The following CELF4 variants were observed in gnomAD, a reference collection of about 807,000 sequenced individuals.
The protein encoded by CELF4 is CUGBP Elav-like family member 4.
Under a neutral mutation model 59.9 loss-of-function variants are expected in CELF4, and 18 were observed. That is an observed-to-expected ratio of 0.30 (90% confidence interval 0.21 to 0.45). The LOEUF is 0.45. Among genes scored for constraint, CELF4 ranks in the 20% least tolerant of loss-of-function variants. The pLI is 1.00. For missense variants in CELF4, 456 were observed against 689.0 expected, an observed-to-expected ratio of 0.66 and a Z score of 3.79; for synonymous variants, 261 against 267.1, an observed-to-expected ratio of 0.98 and a Z score of 0.22.
intron 1 of CELF4, among the ~76,000 whole-genome samples, chr18:37,563,852 G>A (rs16969078): frequency 0.016 from 2,446 of 152,268 alleles, 75 homozygotes; most frequent in African/African-American, 0.057. Context: ...AATAAAAACT[G>A]CTCTCTGGGA....
intron 2 of CELF4, among the ~76,000 whole-genome samples, chr18:37,427,043 G>C (rs998042828): frequency 1.9e-4 from 29 of 151,826 alleles, no homozygotes; most frequent in South Asian, 6.2e-4. Context: ...GACACGGGGG[G>C]GGGGGAAGCT....
intron 10 of CELF4, among the ~76,000 whole-genome samples, chr18:37,261,923 G>T (rs1191819935): frequency 1.3e-5 from 2 of 152,190 alleles, no homozygotes; most frequent in Non-Finnish European, 2.9e-5. Context: ...ACATAAAGAA[G>T]CCAACTCTTG....
intron 2 of CELF4, among the ~76,000 whole-genome samples, chr18:37,373,767 C>T (rs2098931768): frequency 6.6e-6 from 1 of 152,138 alleles, no homozygotes; most frequent in African/African-American, 2.4e-5. Flanking sequence ...CCAGGCAGGG[C>T]ATCATGCCAG....
Position 37,485,580 on chromosome 18 carries a change from C to A in CELF4, c.314G>T (p.Arg105Leu). The A allele has an allele frequency of 6.8e-7, 1 of 1,460,304 alleles. No homozygotes were observed. The highest frequency in any genetic ancestry group is 9.1e-7 in the Non-Finnish European group (1 of 1,093,452). 90.5% of individuals were successfully genotyped at this position (1,460,304 alleles called of 1,614,324 possible). A position where few individuals can be genotyped will look rare whatever the true frequency, so the allele number is the denominator to read the frequency against. Residue 105 changes from arginine to leucine, a missense_variant, in exon 2 of 13, where the codon CGT becomes CTT. Arg to Leu is a moderately radical substitution (Grantham distance 102). Coordinates refer to ENST00000420428, the MANE Select transcript of CELF4 (RefSeq NM_020180.4). ...GCTCTGGGCCTTCAGCGCTGACTCA[C>A]GCTCGCAGTAGGTGAGGAAGGCGCA... The part of the protein sequence containing the change: ...KGCAFLTYCE[R>L]ESALKAQSAL...
At chr18:37,336,999 C>T (rs1447059677) in intron 2 of CELF4, among the ~76,000 whole-genome samples, 4 of 152,196 alleles carry the variant, frequency 2.6e-5, no homozygotes, top group African/African-American at 2.4e-5. Flanking sequence ...GGGCCCTGGC[C>T]GCCTCCGGCT....
At chr18:37,564,897 C>T (rs1468118581) in intron 1 of CELF4, among the ~76,000 whole-genome samples, 1 of 152,016 alleles carries the variant, frequency 6.6e-6, no homozygotes, top group African/African-American at 2.4e-5. Flanking sequence ...CTACTCTAGC[C>T]CGGAGCAAAG....
chr18:37,289,175 A>G (rs2095109156), intron 3 of CELF4, among the ~76,000 whole-genome samples: 1 of 151,346 alleles, frequency 6.6e-6, no homozygotes, highest in Non-Finnish European at 1.5e-5. Context: ...TGGGGTGAGA[A>G]GGGATGGGGG....
In CELF4 at chr18:37,550,086, G is replaced by GGA. The variant is rs796196821; in HGVS notation, c.286+15269_286+15270insTC. 1.9e-4 allele frequency among the ~76,000 whole-genome samples: 24 copies of GGA among 127,594 alleles called. 1 individual carries two copies. Among genetic ancestry groups the GGA allele is most frequent in the African/African-American group, 6.3e-4 (22 of 34,904 alleles). The allele number at this position is 127,594 out of a possible 152,430, so 83.7% of individuals were successfully genotyped here. A position where few individuals can be genotyped will look rare whatever the true frequency, so the allele number is the denominator to read the frequency against. On this transcript the variant is annotated intron_variant, in intron 1 of 12. Coordinates refer to ENST00000420428, the MANE Select transcript of CELF4 (RefSeq NM_020180.4). ...ACTGGCAATGTGGTCCAATGGGTGG[G>GGA]GGGGGGGGATCCGTGGGAAGAAAGA...
At chr18:37,462,240 C>A (rs771798712) in intron 2 of CELF4, among the ~76,000 whole-genome samples, 2 of 152,148 alleles carry the variant, frequency 1.3e-5, no homozygotes, top group Admixed American at 6.5e-5. Context: ...CTGGAGGTCT[C>A]GAGCAGGGAA....
intron 3 of CELF4, among the ~76,000 whole-genome samples, chr18:37,279,244 G>A (rs2093803578): frequency 1.3e-5 from 2 of 152,216 alleles, no homozygotes; most frequent in Admixed American, 1.3e-4. Context: ...GTGCTGCTGG[G>A]CTGGGCCAAG....
chr18:37,502,069 C>T (rs2099932491), intron 1 of CELF4, among the ~76,000 whole-genome samples: 1 of 152,180 alleles, frequency 6.6e-6, no homozygotes, highest in Admixed American at 6.5e-5. Flanking sequence ...ACCAGGCCCC[C>T]CGTGAACCTC....
rs11334635 is a variant in CELF4 at position 37,318,630 on chromosome 18, T to TC, written c.448+3172dup. On this transcript the variant is annotated intron_variant, in intron 3 of 12. Transcript: ENST00000420428. ...GTTTAGGTTTGGCTTTCCCTACACC[T>TC]CCCCCCCCCCCCACTTTCTACTGCA... 4.2e-3 allele frequency among the ~76,000 whole-genome samples: 541 copies of TC among 129,300 alleles called. 4 individuals carry two copies. The highest frequency in any genetic ancestry group is 0.012 in the African/African-American group (420 of 35,136). The allele number at this position is 129,300 out of a possible 152,430, so 84.8% of individuals were successfully genotyped here.
intron 3 of CELF4, among the ~76,000 whole-genome samples, chr18:37,287,137 C>A (rs539586682): frequency 2.0e-5 from 3 of 152,012 alleles, no homozygotes; most frequent in African/African-American, 2.4e-5. Flanking sequence ...CCCCGAGATA[C>A]GGATTTGAGG....
chr18:37,501,257 C>G, intron 1 of CELF4, among the ~76,000 whole-genome samples: 1 of 152,250 alleles, frequency 6.6e-6, no homozygotes, highest in East Asian at 1.9e-4. Flanking sequence ...GCCACCTTAT[C>G]TATAAAATCT....
At chr18:37,267,919 C>T (rs2078479510) in intron 8 of CELF4, among the ~76,000 whole-genome samples, 1 of 152,182 alleles carries the variant, frequency 6.6e-6, no homozygotes, top group Non-Finnish European at 1.5e-5. Flanking sequence ...CACCTGTAAT[C>T]CCAGCTACTC....
intron 1 of CELF4, among the ~76,000 whole-genome samples, chr18:37,497,378 G>A (rs910852358): frequency 1.3e-5 from 2 of 152,232 alleles, no homozygotes; most frequent in Non-Finnish European, 2.9e-5. Context: ...TTGGTGCTGG[G>A]TGTAGTGGCT....
At chr18:37,411,300 A>ATCTG (rs1219715150) in intron 2 of CELF4, among the ~76,000 whole-genome samples, 7 of 152,172 alleles carry the variant, frequency 4.6e-5, no homozygotes, top group Admixed American at 1.3e-4. Flanking sequence ...ATTTATTCAG[A>ATCTG]GTTCAGAAGT....
intron 1 of CELF4, among the ~76,000 whole-genome samples, chr18:37,486,726 G>A (rs2099882094): frequency 6.6e-6 from 1 of 152,202 alleles, no homozygotes; most frequent in Non-Finnish European, 1.5e-5. Flanking sequence ...AAGGCACCCT[G>A]TGGAATGGCT....
intron 2 of CELF4, among the ~76,000 whole-genome samples, chr18:37,470,885 T>TGAGAGAGA (rs1569569558): frequency 5.0e-5 from 4 of 79,600 alleles, no homozygotes; most frequent in Non-Finnish European, 7.5e-5. Flanking sequence ...TGTGTGTGTG[T>TGAGAGAGA]GTGACAGAGA....
Sources: gnomAD v4.1 joint callset for allele counts (sites outside exome capture counted in the v4.1 genomes callset) on GRCh38, gnomAD v4.1.1 for gene constraint, MANE v1.5 for transcripts, NCBI Gene and HGNC (gene_info 2026-07-23, HGNC 2026-07-21) for gene names.